PCCA: variants seen among roughly 807,000 people sequenced by gnomAD.
The protein encoded by PCCA is propionyl-CoA carboxylase subunit alpha.
In PCCA, 74 loss-of-function variants were observed where a neutral mutation model predicts 101.3. That is an observed-to-expected ratio of 0.73 (90% CI 0.61 to 0.89). The LOEUF (loss-of-function observed/expected upper bound fraction) is 0.89, where lower values mean the gene tolerates loss of function less well. Ranked by LOEUF, PCCA falls within the 40% of genes least tolerant of loss-of-function variation. PCCA has a pLI of 0.00. For synonymous variants in PCCA, 294 were observed against 313.6 expected (o/e 0.94, Z 0.66); for missense variants, 891 against 907.0 (o/e 0.98, Z 0.23).
At chr13:100,492,967 G>A (rs1424782599) in intron 21 of PCCA, among the ~76,000 whole-genome samples, 1 of 151,866 alleles carries the variant, frequency 6.6e-6, no homozygotes, top group Non-Finnish European at 1.5e-5. Flanking sequence ...AAGTCTGGGT[G>A]ACCTGATTCT....
intron 18 of PCCA, among the ~76,000 whole-genome samples, chr13:100,360,762 A>AT (rs1311362292): frequency 1.3e-4 from 20 of 152,304 alleles, no homozygotes; most frequent in African/African-American, 4.1e-4. Context: ...GCAGTTTCTT[A>AT]CACAGCATAA....
At chr13:100,500,124 A>G (rs957889323) in intron 21 of PCCA, among the ~76,000 whole-genome samples, 1 of 152,296 alleles carries the variant, frequency 6.6e-6, no homozygotes, top group Middle Eastern at 3.4e-3. Context: ...GGCTCAGTCC[A>G]TTTTCCCCTG....
intron 17 of PCCA, among the ~76,000 whole-genome samples, chr13:100,331,422 A>G (rs9518053): frequency 0.47 from 71,468 of 151,956 alleles, 16,890 homozygotes; most frequent in Middle Eastern, 0.54. Context: ...CTTTGTATCC[A>G]TTAAAGTGTT....
At chr13:100,430,890 T>G (rs2079502507) in intron 20 of PCCA, among the ~76,000 whole-genome samples, 1 of 152,210 alleles carries the variant, frequency 6.6e-6, no homozygotes, top group Non-Finnish European at 1.5e-5. Flanking sequence ...CTGTACTTAT[T>G]ATGCCCGGCA....
intron 4 of PCCA, among the ~76,000 whole-genome samples, chr13:100,135,581 T>C (rs759123177): frequency 6.6e-6 from 1 of 152,212 alleles, no homozygotes; most frequent in African/African-American, 2.4e-5. Context: ...GGGTTGTCTA[T>C]GTAGATAATC....
At chr13:100,238,406 A>G (rs568364311) in intron 8 of PCCA, among the ~76,000 whole-genome samples, 1 of 151,994 alleles carries the variant, frequency 6.6e-6, no homozygotes. Context: ...ACCTAATCTA[A>G]TCTAAGTCTT....
intron 12 of PCCA, among the ~76,000 whole-genome samples, chr13:100,290,926 C>T (rs897385363): frequency 2.0e-5 from 3 of 152,090 alleles, no homozygotes; most frequent in Admixed American, 6.5e-5. Context: ...TCTAATTGTG[C>T]GTTACAGTTA....
intron 20 of PCCA, among the ~76,000 whole-genome samples, chr13:100,449,034 A>G (rs553927508): frequency 6.6e-6 from 1 of 152,378 alleles, no homozygotes; most frequent in Non-Finnish European, 1.5e-5. Flanking sequence ...ATTAAGTGGA[A>G]TCATATAATG....
intron 22 of PCCA, among the ~76,000 whole-genome samples, chr13:100,525,018 TAGATAGATAGAC>T (rs1318289990): frequency 2.9e-4 from 41 of 142,250 alleles, no homozygotes; most frequent in African/African-American, 1.0e-3. Context: ...GATAGATAGA[TAGATAGATAGAC>T]AGACAGACAG....
chr13:100,440,200 ATATATAT>A (rs1566308479), intron 20 of PCCA, among the ~76,000 whole-genome samples: 3 of 110,260 alleles, frequency 2.7e-5, no homozygotes, highest in Non-Finnish European at 1.8e-5. Flanking sequence ...ATATATATAT[ATATATAT>A]ATAAAACGTG....
intron 18 of PCCA, among the ~76,000 whole-genome samples, chr13:100,353,645 T>G (rs1448309104): frequency 6.6e-6 from 1 of 152,032 alleles, no homozygotes. Flanking sequence ...ATGAGAGCTG[T>G]AAGCACATGT....
intron 4 of PCCA, chr13:100,151,095 T>C: frequency 1.4e-6 from 2 of 1,466,896 alleles, no homozygotes; most frequent in South Asian, 2.3e-5. Context: ...TATGCACCCA[T>C]CTTGGCTTAC....
At chr13:100,097,806 G>T (rs1214467032) in intron 1 of PCCA, among the ~76,000 whole-genome samples, 1 of 152,190 alleles carries the variant, frequency 6.6e-6, no homozygotes, top group Non-Finnish European at 1.5e-5. Flanking sequence ...GAGGCCAGCA[G>T]TTCAAGACCA....
At chr13:100,124,530 T>C (rs2049759789) in intron 4 of PCCA, among the ~76,000 whole-genome samples, 4 of 152,272 alleles carry the variant, frequency 2.6e-5, no homozygotes, top group South Asian at 2.1e-4. Flanking sequence ...TCTGGGGTGA[T>C]TGACAGTAAG....
chr13:100,336,798 A>T (rs188335609), intron 17 of PCCA, among the ~76,000 whole-genome samples: 22 of 152,274 alleles, frequency 1.4e-4, no homozygotes, highest in Admixed American at 1.4e-3. Context: ...TTCGCAGTAG[A>T]GGCTCTAAGC....
In PCCA at chr13:100,205,684, T is replaced by G. The variant is rs541950160; in HGVS notation, c.469-3648T>G. 5.8e-4 allele frequency among the ~76,000 whole-genome samples: 88 copies of G among 152,240 alleles called. 1 individual carries two copies. The highest frequency in any genetic ancestry group is 2.2e-4 in the Non-Finnish European group (15 of 68,020). ...AGTTTTACTGTATAATCATAATGTATTTTGGATGTTCTCATTTATGTTATT... is the reference window on the plus strand; with the variant it reads ...AGTTTTACTGTATAATCATAATGTAGTTTGGATGTTCTCATTTATGTTATT... On this transcript the variant is annotated intron_variant, in intron 6 of 23. Transcript: ENST00000376285.
chr13:100,235,879 G>T lies in PCCA; in HGVS notation c.637+1G>T, dbSNP rs1265911468. 1.3e-6 allele frequency: 2 copies of T among 1,596,128 alleles called. No homozygotes were observed. Among genetic ancestry groups the T allele is most frequent in the Non-Finnish European group, 1.7e-6 (2 of 1,163,682 alleles). On this transcript the variant is annotated splice_donor_variant, in intron 8 of 23. Coordinates refer to ENST00000376285, the MANE Select transcript of PCCA (RefSeq NM_000282.4). LOFTEE classifies it high-confidence loss of function. Reference sequence around the variant, plus strand: ...GCTGTCAGAATTGCAAGGGAAATTGGTAAGTCCTTAAATTAACTTTGGTAG... The same window carrying T: ...GCTGTCAGAATTGCAAGGGAAATTGTTAAGTCCTTAAATTAACTTTGGTAG...
intron 16 of PCCA, among the ~76,000 whole-genome samples, chr13:100,329,892 G>A (rs537804768): frequency 6.6e-6 from 1 of 152,250 alleles, no homozygotes; most frequent in Non-Finnish European, 1.5e-5. Context: ...TCAGCAAATC[G>A]ATGGGATACA....
At chr13:100,180,598 A>G (rs2056705422) in intron 6 of PCCA, among the ~76,000 whole-genome samples, 1 of 152,180 alleles carries the variant, frequency 6.6e-6, no homozygotes, top group Non-Finnish European at 1.5e-5. Flanking sequence ...GGTTGTATGT[A>G]TGTGGTATTC....
Sources: allele counts gnomAD v4.1 joint callset (sites outside exome capture counted in the v4.1 genomes callset), GRCh38; gene constraint gnomAD v4.1.1; transcripts MANE v1.5; gene names NCBI Gene and HGNC (gene_info 2026-07-23, HGNC 2026-07-21).